AFF3: variants seen among roughly 807,000 people sequenced by gnomAD.
AFF3 encodes ALF transcription elongation factor 3.
A neutral mutation model predicts 129.7 loss-of-function variants in AFF3; 32 were observed. The ratio of observed to expected loss-of-function variants is 0.25; its 90% CI spans 0.19 to 0.33. AFF3 has a LOEUF of 0.33. AFF3 is among the 10% of genes least tolerant of loss of function. The pLI is 1.00. For missense variants in AFF3, 1,373 were observed against 1,592.0 expected, an observed-to-expected ratio of 0.86 and a Z score of 2.34; for synonymous variants, 644 against 635.4, an observed-to-expected ratio of 1.01 and a Z score of -0.20.
chr2:99,815,697 G>A (rs1264509515), intron 8 of AFF3, among the ~76,000 whole-genome samples: 1 of 151,400 alleles, frequency 6.6e-6, no homozygotes, highest in Non-Finnish European at 1.5e-5. Flanking sequence ...TAGAATTCTG[G>A]GTTGAGAGTT....
At chr2:99,709,484 C>A (rs190060132) in intron 11 of AFF3, among the ~76,000 whole-genome samples, 17 of 152,050 alleles carry the variant, frequency 1.1e-4, no homozygotes, top group Admixed American at 9.2e-4. Context: ...TAAAACTCAC[C>A]AAGTCAGAGA....
chr2:99,949,413 G>A (rs1054976054), intron 7 of AFF3, among the ~76,000 whole-genome samples: 1 of 152,066 alleles, frequency 6.6e-6, no homozygotes, highest in South Asian at 2.1e-4. Flanking sequence ...GAGCAGGGGG[G>A]AGGATGGTTT....
At chr2:99,989,026 G>T (rs1270883424) in intron 7 of AFF3, among the ~76,000 whole-genome samples, 7 of 152,302 alleles carry the variant, frequency 4.6e-5, no homozygotes, top group South Asian at 4.1e-4. Flanking sequence ...CAACGGATTA[G>T]ATATGGAATG....
Position 99,700,194 on chromosome 2 carries a change from C to A in AFF3, c.1091+26883G>T, listed in dbSNP as rs539188198. Reference sequence around the variant, plus strand: ...GGAGTGCAGTGGTGCGATCTCAGCTCAATGCAACCTCCGCCTGCCGGGTTC... The same window carrying A: ...GGAGTGCAGTGGTGCGATCTCAGCTAAATGCAACCTCCGCCTGCCGGGTTC... On this transcript the variant is annotated intron_variant, in intron 11 of 24. Transcript: ENST00000672756. Among the ~76,000 whole-genome samples, 5 of 151,818 alleles carry A rather than the reference C, an allele frequency of 3.3e-5. No individual in the cohort carries two copies. The East Asian group carries it at 9.7e-4, about 29-fold the overall frequency.
intron 4 of AFF3, among the ~76,000 whole-genome samples, chr2:100,081,409 C>T (rs1689038324): frequency 1.3e-5 from 2 of 151,924 alleles, no homozygotes; most frequent in Non-Finnish European, 2.9e-5. Flanking sequence ...GGGCAGCCAA[C>T]CCAAGCAGAG....
intron 7 of AFF3, among the ~76,000 whole-genome samples, chr2:100,000,071 T>G (rs893166817): frequency 2.0e-5 from 3 of 152,204 alleles, no homozygotes; most frequent in Non-Finnish European, 4.4e-5. Context: ...TGTAAATGTA[T>G]TGCTAATGCT....
intron 12 of AFF3, among the ~76,000 whole-genome samples, chr2:99,662,653 G>A (rs997524041): frequency 3.9e-5 from 6 of 152,144 alleles, no homozygotes; most frequent in African/African-American, 1.2e-4. Flanking sequence ...TGCAAAAACT[G>A]TCTAGCTCTT....
At chr2:99,760,784 A>G (rs1346342179) in intron 8 of AFF3, among the ~76,000 whole-genome samples, 2 of 152,116 alleles carry the variant, frequency 1.3e-5, no homozygotes, top group Non-Finnish European at 2.9e-5. Context: ...CGGATCTTAT[A>G]AACTCCCCTG....
intron 7 of AFF3, among the ~76,000 whole-genome samples, chr2:99,890,986 AGTTT>A (rs1168368032): frequency 3.3e-5 from 5 of 152,192 alleles, no homozygotes; most frequent in Middle Eastern, 3.2e-3. Context: ...CTGAAATGAT[AGTTT>A]GTTACACACA....
At chr2:100,121,428 G>C (rs1397054670) in intron 2 of AFF3, among the ~76,000 whole-genome samples, 2 of 152,236 alleles carry the variant, frequency 1.3e-5, no homozygotes, top group Non-Finnish European at 2.9e-5. Flanking sequence ...TGGTTATATA[G>C]GCTAAAGCAG....
chr2:99,889,613 T>A (rs2106070045), intron 7 of AFF3, among the ~76,000 whole-genome samples: 1 of 152,282 alleles, frequency 6.6e-6, no homozygotes, highest in East Asian at 1.9e-4. Flanking sequence ...GGGTTTGAAA[T>A]TAAGTAGAGG....
intron 13 of AFF3, among the ~76,000 whole-genome samples, chr2:99,629,302 G>T (rs1241157962): frequency 6.6e-6 from 1 of 152,152 alleles, no homozygotes; most frequent in Admixed American, 6.5e-5. Flanking sequence ...AGTGACTTTT[G>T]TCAGTGAAGT....
At chr2:100,118,641 G>A (rs755727704) in intron 2 of AFF3, among the ~76,000 whole-genome samples, 13 of 151,412 alleles carry the variant, frequency 8.6e-5, no homozygotes, top group East Asian at 3.9e-4. Flanking sequence ...TTTTCTGGTC[G>A]TTGTATTTCA....
At chr2:100,068,158 T>C (rs972051084) in intron 4 of AFF3, among the ~76,000 whole-genome samples, 77 of 152,322 alleles carry the variant, frequency 5.1e-4, no homozygotes, top group Non-Finnish European at 1.6e-4. Context: ...CCAACTTCTC[T>C]CTTAATGCTC....
At chr2:99,795,687 T>C (rs1020116276) in intron 8 of AFF3, among the ~76,000 whole-genome samples, 10 of 151,804 alleles carry the variant, frequency 6.6e-5, no homozygotes, top group African/African-American at 2.4e-4. Flanking sequence ...CCTTCATTCC[T>C]TTAGCTTGAA....
intron 4 of AFF3, among the ~76,000 whole-genome samples, chr2:100,036,894 C>T (rs1054167377): frequency 6.6e-6 from 1 of 151,000 alleles, no homozygotes; most frequent in Non-Finnish European, 1.5e-5. Flanking sequence ...TTTTTACCTA[C>T]CAAATAGGCA....
At chr2:99,645,478 T>C (rs1029504836) in intron 13 of AFF3, among the ~76,000 whole-genome samples, 3 of 152,176 alleles carry the variant, frequency 2.0e-5, no homozygotes, top group Admixed American at 1.3e-4. Context: ...GATAAAAAAA[T>C]TCTACTGTCC....
At chr2:99,896,620 C>CTTTTT (rs35573862) in intron 7 of AFF3, among the ~76,000 whole-genome samples, 2,365 of 36,126 alleles carry the variant, frequency 0.065, 898 homozygotes, top group Non-Finnish European at 0.092. Context: ...TGTCAAAATG[C>CTTTTT]TTTTTTTTTT....
intron 11 of AFF3, among the ~76,000 whole-genome samples, chr2:99,692,883 G>A (rs560905557): frequency 6.6e-6 from 1 of 152,326 alleles, no homozygotes; most frequent in African/African-American, 2.4e-5. Context: ...GAAGGCTCAA[G>A]TGCCTTCCTG....
Sources: allele counts gnomAD v4.1 joint callset (sites outside exome capture counted in the v4.1 genomes callset), GRCh38; gene constraint gnomAD v4.1.1; transcripts MANE v1.5; gene names NCBI Gene and HGNC (gene_info 2026-07-23, HGNC 2026-07-21).